The following PCDHA9 variants were observed in gnomAD, a reference collection of about 807,000 sequenced individuals.
PCDHA9 encodes the protein protocadherin alpha 9.
In PCDHA9, 62 loss-of-function variants were observed where a neutral mutation model predicts 62.0. That is an observed-to-expected ratio of 1.00 (90% CI 0.81 to 1.23). The LOEUF (loss-of-function observed/expected upper bound fraction) is 1.23, where lower values mean the gene tolerates loss of function less well. PCDHA9 is among the 50% of genes most tolerant of loss of function. The pLI is 0.00. For synonymous variants in PCDHA9, 557 were observed against 567.6 expected (o/e 0.98, Z 0.27); for missense variants, 1,205 against 1,249.8 (o/e 0.96, Z 0.54).
intron 1 of PCDHA9, among the ~76,000 whole-genome samples, chr5:140,894,455 T>C (rs1316862860): frequency 6.6e-6 from 1 of 152,000 alleles, no homozygotes; most frequent in Non-Finnish European, 1.5e-5. Flanking sequence ...TTAAAAAATA[T>C]TTTACTTTTT....
chr5:140,958,242 T>A (rs1375619471), intron 1 of PCDHA9, among the ~76,000 whole-genome samples: 1 of 152,120 alleles, frequency 6.6e-6, no homozygotes, highest in Non-Finnish European at 1.5e-5. Context: ...TTTTTAACAA[T>A]TCTGAACAAA....
intron 1 of PCDHA9, among the ~76,000 whole-genome samples, chr5:140,945,017 T>C (rs1563211481): frequency 6.6e-6 from 1 of 152,172 alleles, no homozygotes; most frequent in Non-Finnish European, 1.5e-5. Context: ...AATTATTTTT[T>C]ACTCAGACAT....
intron 1 of PCDHA9, among the ~76,000 whole-genome samples, chr5:140,941,192 TTTCTTTCTTCC>T (rs1330855559): frequency 1.0e-5 from 1 of 99,660 alleles, no homozygotes; most frequent in Non-Finnish European, 2.1e-5. Flanking sequence ...CTTCTTTTTT[TTTCTTTCTTCC>T]TTTCTTTCTT....
rs1482950920 is a variant in PCDHA9 at position 140,867,382 on chromosome 5, CG to C, written c.2394+16495del. On this transcript the variant is annotated intron_variant, in intron 1 of 3. Coordinates refer to ENST00000532602, the MANE Select transcript of PCDHA9 (RefSeq NM_031857.2). ...TTTTACAGATGCGTAATGGAATTAA[CG>C]GTTATAAAAGTTGATATGTCTCCTT... 4 of 152,124 alleles carry C rather than the reference CG, an allele frequency of 2.6e-5. No individual in the cohort carries two copies. In the East Asian group the frequency reaches 7.7e-4, roughly 29 times the overall value. 9.4% of individuals were successfully genotyped at this position (152,124 alleles called of 1,614,324 possible).
At chr5:140,923,397 G>A (rs1392831353) in intron 1 of PCDHA9, among the ~76,000 whole-genome samples, 2 of 152,128 alleles carry the variant, frequency 1.3e-5, no homozygotes, top group East Asian at 3.9e-4. Flanking sequence ...GCATGGTGGT[G>A]TGTGCCTATA....
intron 1 of PCDHA9, chr5:140,852,963 C>A: frequency 2.4e-6 from 1 of 424,740 alleles, no homozygotes; most frequent in Non-Finnish European, 3.3e-6. Context: ...ACTCCAAGCT[C>A]CCCCTCCCGT....
At chr5:140,927,601 G>A (rs1490799029) in intron 1 of PCDHA9, 1 of 1,614,198 alleles carries the variant, frequency 6.2e-7, no homozygotes, top group Non-Finnish European at 8.5e-7. Flanking sequence ...TGAGCGCTCC[G>A]TATACCGCAC....
chr5:141,009,374 G>C (rs567366098), intron 3 of PCDHA9, among the ~76,000 whole-genome samples: 1 of 152,216 alleles, frequency 6.6e-6, no homozygotes, highest in African/African-American at 2.4e-5. Context: ...TGGGAGGATT[G>C]ATTGAGCACA....
intron 1 of PCDHA9, among the ~76,000 whole-genome samples, chr5:140,961,483 G>A (rs1365864551): frequency 6.6e-6 from 1 of 152,090 alleles, no homozygotes; most frequent in Non-Finnish European, 1.5e-5. Context: ...TCTTGTCCAC[G>A]TGAGTATATT....
At chr5:140,940,731 G>C (rs1195223562) in intron 1 of PCDHA9, among the ~76,000 whole-genome samples, 1 of 152,280 alleles carries the variant, frequency 6.6e-6, no homozygotes, top group South Asian at 2.1e-4. Context: ...CAGCTGGACA[G>C]CTCCATATTT....
At chr5:140,927,153 C>T in intron 1 of PCDHA9, 1 of 1,614,190 alleles carries the variant, frequency 6.2e-7, no homozygotes, top group Non-Finnish European at 8.5e-7. Context: ...AACAGCTGTG[C>T]AGGGCCAAAG....
chr5:140,912,635 T>G (rs1554195442), intron 1 of PCDHA9, among the ~76,000 whole-genome samples: 2 of 152,156 alleles, frequency 1.3e-5, no homozygotes, highest in Admixed American at 6.5e-5. Context: ...AGACTTTCAG[T>G]ACTATGTTGA....
chr5:140,916,437 C>T lies in PCDHA9; in HGVS notation c.2395-62512C>T, dbSNP rs77605255. Among the ~76,000 whole-genome samples the T allele has an allele frequency of 8.0e-3, 1,220 of 152,340 alleles. 6 individuals are homozygous for T. The highest frequency in any genetic ancestry group is 0.019 in the African/African-American group (786 of 41,586). Reference sequence around the variant, plus strand: ...AGCACATCTCAGAACCTAAGGCCCACAGTATACTACCTGGATATCACTGCT... The same window carrying T: ...AGCACATCTCAGAACCTAAGGCCCATAGTATACTACCTGGATATCACTGCT... On this transcript the variant is annotated intron_variant, in intron 1 of 3. Coordinates refer to ENST00000532602, the MANE Select transcript of PCDHA9 (RefSeq NM_031857.2).
chr5:140,966,318 C>A, intron 1 of PCDHA9: 1 of 389,680 alleles, frequency 2.6e-6, no homozygotes, highest in African/African-American at 2.1e-5. Context: ...TCCTGCGGTC[C>A]GCTGGGATCC....
At chr5:140,964,721 C>T (rs2095851062) in intron 1 of PCDHA9, among the ~76,000 whole-genome samples, 1 of 151,598 alleles carries the variant, frequency 6.6e-6, no homozygotes, top group East Asian at 1.9e-4. Flanking sequence ...CAAATTACCA[C>T]AGCAAACTGA....
chr5:140,965,401 A>C (rs546046699), intron 1 of PCDHA9, among the ~76,000 whole-genome samples: 1 of 152,166 alleles, frequency 6.6e-6, no homozygotes, highest in Non-Finnish European at 1.5e-5. Flanking sequence ...AAGTCTAAGG[A>C]GTCTTATATT....
At chr5:140,868,198 C>T (rs1220217511) in intron 1 of PCDHA9, 2 of 152,058 alleles carry the variant, frequency 1.3e-5, no homozygotes, top group East Asian at 1.9e-4. Context: ...CTATGGCTTA[C>T]ATTAGAAATA....
chr5:140,905,047 C>A (rs2071568223), intron 1 of PCDHA9, among the ~76,000 whole-genome samples: 1 of 152,076 alleles, frequency 6.6e-6, no homozygotes, highest in Non-Finnish European at 1.5e-5. Context: ...TTAATTAGGT[C>A]CCATTTATTT....
chr5:141,007,812 G>C (rs1446053616), intron 3 of PCDHA9, among the ~76,000 whole-genome samples: 2 of 152,078 alleles, frequency 1.3e-5, no homozygotes, highest in Non-Finnish European at 2.9e-5. Context: ...CCATTCATTT[G>C]CCTTCCCCCA....
Sources: gnomAD v4.1 joint callset for allele counts (sites outside exome capture counted in the v4.1 genomes callset) on GRCh38, gnomAD v4.1.1 for gene constraint, MANE v1.5 for transcripts, NCBI Gene and HGNC (gene_info 2026-07-23, HGNC 2026-07-21) for gene names.